SZRD1: variants seen among roughly 807,000 people sequenced by gnomAD.
SZRD1 encodes SUZ RNA-binding domain-containing.
A neutral mutation model predicts 17.6 loss-of-function variants in SZRD1; 7 were observed. That is an observed-to-expected ratio of 0.40 (90% CI 0.23 to 0.75). The LOEUF is 0.75. Ranked by LOEUF, SZRD1 falls within the 30% of genes least tolerant of loss-of-function variation. The probability of loss-of-function intolerance (pLI) is 0.38; values close to 1 mark genes in which losing one functional copy is unlikely to be tolerated. For missense variants in SZRD1, 178 were observed against 201.8 expected (o/e 0.88, Z 0.71); for synonymous variants, 77 against 77.9 (o/e 0.99, Z 0.06).
chr1:16,387,288 A>C (rs1326040641), intron 1 of SZRD1: 2 of 456,522 alleles, frequency 4.4e-6, no homozygotes, highest in South Asian at 3.1e-5. Context: ...CAGATGGTCC[A>C]TCTTCCTTAA....
intron 1 of SZRD1, among the ~76,000 whole-genome samples, chr1:16,370,988 C>G (rs912491288): frequency 9.2e-5 from 14 of 152,146 alleles, no homozygotes; most frequent in Non-Finnish European, 1.9e-4. Flanking sequence ...CATATATAGG[C>G]AATTGCGTAA....
chr1:16,386,962 G>A (rs987917558), intron 1 of SZRD1: 1 of 207,924 alleles, frequency 4.8e-6, no homozygotes, highest in Non-Finnish European at 9.9e-6. Flanking sequence ...CGAATTCTAG[G>A]GCTGTCTCTG....
intron 1 of SZRD1, among the ~76,000 whole-genome samples, chr1:16,370,693 G>A (rs1224865079): frequency 6.6e-6 from 1 of 152,034 alleles, no homozygotes; most frequent in Non-Finnish European, 1.5e-5. Flanking sequence ...CTGAAGTGCA[G>A]TGGCATAATC....
At chr1:16,374,204 C>T (rs952362285) in intron 1 of SZRD1, among the ~76,000 whole-genome samples, 1 of 152,178 alleles carries the variant, frequency 6.6e-6, no homozygotes, top group African/African-American at 2.4e-5. Flanking sequence ...ATACACCATG[C>T]CTAAAGGGGC....
chr1:16,388,427 A>G (rs957355218), intron 1 of SZRD1, among the ~76,000 whole-genome samples: 1 of 152,102 alleles, frequency 6.6e-6, no homozygotes. Flanking sequence ...TATATTTTAA[A>G]CACAAGTTAG....
At chr1:16,370,773 A>T (rs1438830772) in intron 1 of SZRD1, among the ~76,000 whole-genome samples, 4 of 152,134 alleles carry the variant, frequency 2.6e-5, no homozygotes. Flanking sequence ...GAGTTCTGGG[A>T]TTATAGGCAT....
intron 1 of SZRD1, among the ~76,000 whole-genome samples, chr1:16,383,730 C>T (rs2083144883): frequency 6.6e-6 from 1 of 151,010 alleles, no homozygotes. Context: ...AGCGATTCTC[C>T]TGCCTCAGCC....
At chr1:16,383,407 T>A (rs1296941936) in intron 1 of SZRD1, among the ~76,000 whole-genome samples, 1 of 151,546 alleles carries the variant, frequency 6.6e-6, no homozygotes, top group Non-Finnish European at 1.5e-5. Context: ...TTTTGTAGAG[T>A]TGAGGTCTTA....
At position 16,393,174 on chromosome 1, in the gene SZRD1, A is replaced by G; in HGVS notation, c.102-54A>G. On this transcript the variant is annotated intron_variant, in intron 2 of 3. Coordinates refer to ENST00000401088, the MANE Select transcript of SZRD1 (RefSeq NM_001114600.3). This position sits in a 1 kb window ranked among gnomAD's most constrained non-coding sequence, Gnocchi z 5.6. ...TGAGAGGTGGGTGTGGGACATGGAC[A>G]GGGCCTCCTTAGTCAGGAGCATGAT... 2 of 1,592,668 alleles carry G rather than the reference A, an allele frequency of 1.3e-6. No homozygotes were observed. Among genetic ancestry groups the G allele is most frequent in the Non-Finnish European group, 8.6e-7 (1 of 1,165,556 alleles).
chr1:16,375,718 G>A (rs988697444), intron 1 of SZRD1, among the ~76,000 whole-genome samples: 4 of 152,094 alleles, frequency 2.6e-5, no homozygotes, highest in Non-Finnish European at 5.9e-5. Flanking sequence ...AGGAACACAG[G>A]AAATAACAGT....
Position 16,395,161 on chromosome 1 carries a change from C to A in SZRD1, c.*21C>A. ...GATAAATGCAGGCAAGAAAAGATGCCGCCGTTGCTGCCGTCACCGCCTCCT... is the reference window on the plus strand; with the variant it reads ...GATAAATGCAGGCAAGAAAAGATGCAGCCGTTGCTGCCGTCACCGCCTCCT... On this transcript the variant is annotated 3_prime_UTR_variant, in exon 4 of 4. Transcript: ENST00000401088. 1 of 1,567,766 alleles carries A rather than the reference C, an allele frequency of 6.4e-7. No individual in the cohort carries two copies. Among genetic ancestry groups the A allele is most frequent in the Non-Finnish European group, 8.8e-7 (1 of 1,138,060 alleles).
At position 16,368,543 on chromosome 1, in the gene SZRD1, G is replaced by T. The variant is rs1000490783; in HGVS notation, c.51+1235G>T. 2.6e-5 allele frequency among the ~76,000 whole-genome samples: 4 copies of T among 152,302 alleles called. No homozygotes were observed. In the South Asian group the frequency reaches 8.3e-4, roughly 32 times the overall value. On this transcript the variant is annotated intron_variant, in intron 1 of 3. Coordinates refer to ENST00000401088, the MANE Select transcript of SZRD1 (RefSeq NM_001114600.3). ...ATTTGAAGGATTCGTTCGTTCAGAG[G>T]ATATTTAGTAGAGTTCTTAATGTGA...
rs2085291245 is a variant in SZRD1, at chr1:16,395,236, C to T, written c.*96C>T. Reference sequence around the variant, plus strand: ...GCCGTGGCAGACAGCTGGACTTGAGCAGAGGGAACGACCTGACTTACTTGC... The same window carrying T: ...GCCGTGGCAGACAGCTGGACTTGAGTAGAGGGAACGACCTGACTTACTTGC... On this transcript the variant is annotated 3_prime_UTR_variant, in exon 4 of 4. Coordinates refer to ENST00000401088, the MANE Select transcript of SZRD1 (RefSeq NM_001114600.3). 1 of 853,512 alleles carries T rather than the reference C, an allele frequency of 1.2e-6. No individual in the cohort carries two copies. Among genetic ancestry groups the T allele is most frequent in the Non-Finnish European group, 2.0e-6 (1 of 500,832 alleles). The allele number at this position is 853,512 out of a possible 1,614,324, so 52.9% of individuals were successfully genotyped here.
In SZRD1 at chr1:16,392,501, T is replaced by C. The variant is rs77794654; in HGVS notation, c.102-727T>C. Among the ~76,000 whole-genome samples the C allele has an allele frequency of 8.7e-3, 1,318 of 152,316 alleles. 68 individuals are homozygous for C. The East Asian group carries it at 0.15, about 18-fold the overall frequency. ...CCTTGATGTACGCGTCCACCAGCCT[T>C]GGACAATGCTTTTCTTTTGAGCATT... On this transcript the variant is annotated intron_variant, in intron 2 of 3. Transcript: ENST00000401088.
At chr1:16,380,687 C>G (rs2083086022) in intron 1 of SZRD1, among the ~76,000 whole-genome samples, 1 of 152,286 alleles carries the variant, frequency 6.6e-6, no homozygotes, top group South Asian at 2.1e-4. Flanking sequence ...AGGCTGGTCT[C>G]AAACTCCTGA....
intron 1 of SZRD1, among the ~76,000 whole-genome samples, chr1:16,373,621 C>A (rs1486390983): frequency 1.4e-5 from 2 of 146,310 alleles, no homozygotes; most frequent in Admixed American, 6.9e-5. Flanking sequence ...TTTTTTGAGA[C>A]AGGGTCTCAC....
chr1:16,371,775 G>C (rs1294510837), intron 1 of SZRD1, among the ~76,000 whole-genome samples: 2 of 151,772 alleles, frequency 1.3e-5, no homozygotes, highest in Non-Finnish European at 2.9e-5. Flanking sequence ...TCTTAAGACA[G>C]AAGGGTCTTG....
At chr1:16,376,760 T>C (rs995390154) in intron 1 of SZRD1, among the ~76,000 whole-genome samples, 3 of 148,384 alleles carry the variant, frequency 2.0e-5, no homozygotes, top group African/African-American at 7.5e-5. Context: ...GAGCTGAGAT[T>C]GTGTCACTGC....
At chr1:16,380,833 C>G (rs1039417263) in intron 1 of SZRD1, among the ~76,000 whole-genome samples, 2 of 152,008 alleles carry the variant, frequency 1.3e-5, no homozygotes, top group East Asian at 1.9e-4. Context: ...TCTCGAACTC[C>G]TGAGCTCAAG....
Sources: allele counts gnomAD v4.1 joint callset (sites outside exome capture counted in the v4.1 genomes callset), GRCh38; gene constraint gnomAD v4.1.1; non-coding constraint Gnocchi (gnomAD v3.1); transcripts MANE v1.5; gene names NCBI Gene and HGNC (gene_info 2026-07-23, HGNC 2026-07-21).